GTF3C1: variants seen among roughly 807,000 people sequenced by gnomAD.
GTF3C1 encodes the protein general transcription factor IIIC subunit 1.
A neutral mutation model predicts 226.7 loss-of-function variants in GTF3C1; 57 were observed. That is an observed-to-expected ratio of 0.25 (90% CI 0.20 to 0.31). The LOEUF is 0.31. Ranked by LOEUF, GTF3C1 falls within the 10% of genes least tolerant of loss-of-function variation. The pLI is 1.00. For missense variants in GTF3C1, 2,217 were observed against 2,776.1 expected, an observed-to-expected ratio of 0.80 and a Z score of 4.53; for synonymous variants, 1,090 against 1,084.8, an observed-to-expected ratio of 1.00 and a Z score of -0.09.
At position 27,474,038 on chromosome 16, in the gene GTF3C1, C is replaced by T. The variant is rs77943306; in HGVS notation, c.4354-2118G>A. 5.2e-3 allele frequency among the ~76,000 whole-genome samples: 787 copies of T among 152,338 alleles called. 8 individuals are homozygous for T. The highest frequency in any genetic ancestry group is 0.035 in the East Asian group (179 of 5,182). On this transcript the variant is annotated intron_variant, in intron 29 of 36. Coordinates refer to ENST00000356183, the MANE Select transcript of GTF3C1 (RefSeq NM_001520.4). ...TTGGGGGGTATCGTCCACCCACTCA[C>T]ATTTCCAAGAGGCTGGGCTGTCACA... is the stretch of plus-strand genomic sequence containing the variant.
chr16:27,530,378 A>T (rs2088898128), intron 5 of GTF3C1, among the ~76,000 whole-genome samples: 1 of 152,148 alleles, frequency 6.6e-6, no homozygotes, highest in Non-Finnish European at 1.5e-5. Context: ...GACATATGGC[A>T]CTAAGCCCTG....
chr16:27,502,783 T>A (rs1423419930), intron 11 of GTF3C1, 76 bp downstream of exon 11: 2 of 1,461,774 alleles, frequency 1.4e-6, no homozygotes, highest in Non-Finnish European at 9.3e-7. Flanking sequence ...GTGGTGTCCA[T>A]GGCTTGTGAT....
At chr16:27,478,367 T>C in intron 28 of GTF3C1, 102 bp downstream of exon 28, 2 of 815,264 alleles carry the variant, frequency 2.5e-6, no homozygotes, top group Non-Finnish European at 4.3e-6. Flanking sequence ...CACAAACAGG[T>C]AGTGGGCTGG....
intron 4 of GTF3C1, among the ~76,000 whole-genome samples, chr16:27,533,875 G>A (rs577828836): frequency 1.6e-4 from 24 of 152,212 alleles, no homozygotes; most frequent in African/African-American, 5.3e-4. Flanking sequence ...ACGTGGTGGC[G>A]GGCGCCTGTA....
intron 14 of GTF3C1, among the ~76,000 whole-genome samples, chr16:27,496,968 C>T (rs1014397471): frequency 2.6e-5 from 4 of 152,186 alleles, no homozygotes; most frequent in African/African-American, 4.8e-5. Context: ...AAAGGCCACA[C>T]CGTGGGGCTG....
intron 6 of GTF3C1, among the ~76,000 whole-genome samples, chr16:27,526,378 A>G (rs1203533959): frequency 6.6e-6 from 1 of 152,220 alleles, no homozygotes; most frequent in South Asian, 2.1e-4. Context: ...CACAGTGCCC[A>G]GTCTCCAGCT....
rs144166302 is a variant in GTF3C1, at chr16:27,535,954, T to C, written c.752+1830A>G. Reference sequence around the variant, plus strand: ...CCATGGGACCCACACAAAGTGCCACTAGTGATGCTGGAAACGCTCCCAAGA... The same window carrying C: ...CCATGGGACCCACACAAAGTGCCACCAGTGATGCTGGAAACGCTCCCAAGA... On this transcript the variant is annotated intron_variant, in intron 4 of 36. Coordinates refer to ENST00000356183, the MANE Select transcript of GTF3C1 (RefSeq NM_001520.4). 4.6e-3 allele frequency among the ~76,000 whole-genome samples: 698 copies of C among 152,214 alleles called. 6 individuals are homozygous for C. Among genetic ancestry groups the C allele is most frequent in the African/African-American group, 0.016 (675 of 41,526 alleles).
At chr16:27,483,522 G>T (rs2141367746) in intron 25 of GTF3C1, 1 of 459,728 alleles carries the variant, frequency 2.2e-6, no homozygotes, top group Non-Finnish European at 4.4e-6. Context: ...CAAAGCAGGT[G>T]TGTCCACTCC....
intron 25 of GTF3C1, chr16:27,483,429 T>C (rs1235494676): frequency 1.9e-6 from 1 of 537,066 alleles, no homozygotes; most frequent in South Asian, 1.5e-5. Context: ...CCATATGGGC[T>C]GACCTATGTG....
rs1455880896 is a variant in GTF3C1, at chr16:27,501,203, G to T, written c.2049C>A (p.Gly683=). Residue 683 remains glycine, a synonymous_variant, in exon 12 of 37, where the codon GGC becomes GGA. Transcript: ENST00000356183. ...AGGCCCTGGTTACCTTCTTCTTGAT[G>T]CCATCTTGAATGACAGTGGTCCGAT... The part of the protein sequence containing the change: ...RLYRTTVIQD[G]IKKKVDLVVH... The T allele has an allele frequency of 6.2e-7, 1 of 1,612,028 alleles. No homozygotes were observed. The highest frequency in any genetic ancestry group is 1.7e-5 in the Admixed American group (1 of 59,994).
At chr16:27,526,755 T>C (rs933373497) in intron 6 of GTF3C1, among the ~76,000 whole-genome samples, 1 of 152,276 alleles carries the variant, frequency 6.6e-6, no homozygotes, top group Admixed American at 6.5e-5. Context: ...GGTTTACTCC[T>C]CTTATATCCC....
intron 10 of GTF3C1, among the ~76,000 whole-genome samples, chr16:27,505,562 T>C (rs1435555185): frequency 6.6e-6 from 1 of 152,200 alleles, no homozygotes; most frequent in African/African-American, 2.4e-5. Flanking sequence ...TGGCATCCAA[T>C]GAACAGAAAA....
chr16:27,464,685 G>T lies in GTF3C1; in HGVS notation c.5507C>A (p.Pro1836His). ...DIQREDPQAR[P>H]LEGSSSEDSP... ...GTCCTCACTGGAAGACCCCTCCAGGGGTCTGGCCTGGGGGTCTTCTCTCTG... is the reference window on the plus strand; with the variant it reads ...GTCCTCACTGGAAGACCCCTCCAGGTGTCTGGCCTGGGGGTCTTCTCTCTG... Residue 1836 changes from proline to histidine, a missense_variant, in exon 34 of 37, where the codon CCC becomes CAC. Coordinates refer to ENST00000356183, the MANE Select transcript of GTF3C1 (RefSeq NM_001520.4). 6.3e-7 allele frequency: 1 copy of T among 1,591,680 alleles called. No homozygotes were observed. The highest frequency in any genetic ancestry group is 8.5e-7 in the Non-Finnish European group (1 of 1,173,718).
chr16:27,529,135 G>T (rs571434578), intron 5 of GTF3C1, among the ~76,000 whole-genome samples: 134 of 152,180 alleles, frequency 8.8e-4, no homozygotes, highest in African/African-American at 3.0e-3. Context: ...AAAAAAAAGG[G>T]GAAAAAATAG....
rs2088512405 is a variant in GTF3C1 at position 27,507,943 on chromosome 16, G to C, written c.1242+597C>G. On this transcript the variant is annotated intron_variant, in intron 8 of 36. Transcript: ENST00000356183. The surrounding 1 kb of genome is among the most constrained non-coding windows in gnomAD (Gnocchi z 4.9). ...GCTTTGTCTGAAGCACGTGGACAGA[G>C]AGTGGCCAGCCCCAGCTGACTGTCC... Among the ~76,000 whole-genome samples the C allele has an allele frequency of 6.6e-6, 1 of 152,288 alleles. No homozygotes were observed. The highest frequency in any genetic ancestry group is 2.1e-4 in the South Asian group (1 of 4,838).
rs2088400910 is a variant in GTF3C1 at position 27,501,328 on chromosome 16, T to C, written c.1924A>G (p.Met642Val). 4 of 1,614,042 alleles carry C rather than the reference T, an allele frequency of 2.5e-6. No individual in the cohort carries two copies. Among genetic ancestry groups the C allele is most frequent in the Non-Finnish European group, 3.4e-6 (4 of 1,179,950 alleles). ...ESLFTIQKMIMDQEKQEGVST... is the reference protein window; with the variant it reads ...ESLFTIQKMIVDQEKQEGVST... ...ACGCCTTCCTGCTTCTCCTGATCCATGATCATCTTCTGAATCCTGGGCATC... is the reference window on the plus strand; with the variant it reads ...ACGCCTTCCTGCTTCTCCTGATCCACGATCATCTTCTGAATCCTGGGCATC... Residue 642 changes from methionine to valine, a missense_variant, in exon 12 of 37, where the codon ATG becomes GTG. Physicochemically the swap from Met to Val is conservative, Grantham distance 21. Coordinates refer to ENST00000356183, the MANE Select transcript of GTF3C1 (RefSeq NM_001520.4).
intron 23 of GTF3C1, among the ~76,000 whole-genome samples, chr16:27,487,220 T>C (rs1250560776): frequency 3.9e-5 from 6 of 152,224 alleles, no homozygotes; most frequent in Non-Finnish European, 5.9e-5. Context: ...CAGGCGAAAC[T>C]GAGGGGGCCA....
rs115112042 is a variant in GTF3C1 at position 27,488,741 on chromosome 16, T to C, written c.3430-106A>G. 1.4e-3 allele frequency: 1,298 copies of C among 929,714 alleles called. 14 individuals carry two copies. The African/African-American group carries it at 0.019, about 13-fold the overall frequency. The allele number at this position is 929,714 out of a possible 1,614,324, so 57.6% of individuals were successfully genotyped here. A position where few individuals can be genotyped will look rare whatever the true frequency, so the allele number is the denominator to read the frequency against. On this transcript the variant is annotated intron_variant, in intron 21 of 36. Transcript: ENST00000356183. ...TCTCTTAGGAAGGTAAGGGCCGCTG[T>C]GCACTGACAGCCAGGGGCTGGAGTC...
At chr16:27,518,292 A>G (rs148314299) in intron 6 of GTF3C1, among the ~76,000 whole-genome samples, 118 of 152,184 alleles carry the variant, frequency 7.8e-4, no homozygotes, top group African/African-American at 2.7e-3. Flanking sequence ...ACCCCAGGGC[A>G]ATGGTGGTAC....
Sources: allele counts gnomAD v4.1 joint callset (sites outside exome capture counted in the v4.1 genomes callset), GRCh38; gene constraint gnomAD v4.1.1; non-coding constraint Gnocchi (gnomAD v3.1); transcripts MANE v1.5; gene names NCBI Gene and HGNC (gene_info 2026-07-23, HGNC 2026-07-21).